GRK5: variants seen among roughly 807,000 people sequenced by gnomAD.
GRK5 encodes G protein-coupled receptor kinase 5.
A neutral mutation model predicts 78.4 loss-of-function variants in GRK5; 40 were observed. That is an observed-to-expected ratio of 0.51 (90% CI 0.40 to 0.66). GRK5 has a LOEUF of 0.66. GRK5 is among the 30% of genes least tolerant of loss of function. The pLI is 0.00. For synonymous variants in GRK5, 289 were observed against 296.8 expected (o/e 0.97, Z 0.27); for missense variants, 598 against 759.9 (o/e 0.79, Z 2.50).
intron 1 of GRK5, among the ~76,000 whole-genome samples, chr10:119,210,981 A>G (rs1848477035): frequency 6.6e-6 from 1 of 152,244 alleles, no homozygotes. Flanking sequence ...TTAATGTAGC[A>G]ATAAAATAGA....
intron 1 of GRK5, among the ~76,000 whole-genome samples, chr10:119,259,971 A>G (rs1202960061): frequency 7.9e-5 from 12 of 152,086 alleles, no homozygotes. Context: ...TCTCTCCACT[A>G]AATAATGTGG....
intron 2 of GRK5, among the ~76,000 whole-genome samples, chr10:119,360,773 C>T (rs1386076970): frequency 6.6e-6 from 1 of 152,202 alleles, no homozygotes; most frequent in Non-Finnish European, 1.5e-5. Context: ...CTTCCACACC[C>T]GGCCCGGGGC....
At chr10:119,312,536 T>G (rs1437307859) in intron 1 of GRK5, among the ~76,000 whole-genome samples, 2 of 152,214 alleles carry the variant, frequency 1.3e-5, no homozygotes, top group Admixed American at 1.3e-4. Flanking sequence ...ACTGTCTCTG[T>G]GACCCAGAGA....
Position 119,410,952 on chromosome 10 carries a change from G to T in GRK5, c.340-12214G>T, listed in dbSNP as rs148467291. 2.1e-3 allele frequency among the ~76,000 whole-genome samples: 321 copies of T among 151,070 alleles called. 1 individual carries two copies. The highest frequency in any genetic ancestry group is 7.5e-3 in the African/African-American group (307 of 41,196). On this transcript the variant is annotated intron_variant, in intron 4 of 15. Transcript: ENST00000392870. ...CACTCTACAGCCTGCAGTCCTTGCT[G>T]ACCTTGAACTCCTGCCATTGGCCAA...
Position 119,207,890 on chromosome 10 carries a change from C to G in GRK5, c.-28C>G. The stretch of plus-strand genomic sequence containing the variant: ...CCCAGGCGCTGACAGCCCCGCCGGC[C>G]GGCTCCGTTGCTGACCGCCGACTGT... On this transcript the variant is annotated 5_prime_UTR_variant, in exon 1 of 16. Transcript: ENST00000392870. 6.3e-7 allele frequency: 1 copy of G among 1,585,960 alleles called. No individual in the cohort carries two copies. Among genetic ancestry groups the G allele is most frequent in the Non-Finnish European group, 8.6e-7 (1 of 1,168,462 alleles).
At chr10:119,209,188 C>G (rs1280189029) in intron 1 of GRK5, among the ~76,000 whole-genome samples, 3 of 152,100 alleles carry the variant, frequency 2.0e-5, no homozygotes, top group African/African-American at 7.2e-5. Flanking sequence ...CACCTTGTGG[C>G]TCCCTACACA....
intron 1 of GRK5, among the ~76,000 whole-genome samples, chr10:119,299,305 G>A (rs1366216025): frequency 6.6e-6 from 1 of 152,162 alleles, no homozygotes; most frequent in South Asian, 2.1e-4. Context: ...TTAGCCGGGC[G>A]GGGTGGCGGG....
chr10:119,292,984 A>T (rs569250083), intron 1 of GRK5, among the ~76,000 whole-genome samples: 1 of 152,190 alleles, frequency 6.6e-6, no homozygotes, highest in African/African-American at 2.4e-5. Flanking sequence ...ATACTGGGAA[A>T]CTTCAAGCTC....
At chr10:119,296,493 G>C (rs1346099713) in intron 1 of GRK5, among the ~76,000 whole-genome samples, 1 of 152,262 alleles carries the variant, frequency 6.6e-6, no homozygotes, top group Non-Finnish European at 1.5e-5. Context: ...TTCTGCTGCA[G>C]ATGGAAGAAG....
intron 1 of GRK5, among the ~76,000 whole-genome samples, chr10:119,281,570 C>T (rs1849762944): frequency 6.6e-6 from 1 of 152,190 alleles, no homozygotes; most frequent in Admixed American, 6.5e-5. Flanking sequence ...TGTAATCAGC[C>T]TCTCCTGTGG....
At chr10:119,357,832 C>G (rs1851288852) in intron 2 of GRK5, among the ~76,000 whole-genome samples, 2 of 152,100 alleles carry the variant, frequency 1.3e-5, no homozygotes, top group Middle Eastern at 3.4e-3. Flanking sequence ...ATTAGCCATG[C>G]CATTGGCAGG....
chr10:119,372,389 C>T (rs1336475133), intron 2 of GRK5, among the ~76,000 whole-genome samples: 2 of 152,234 alleles, frequency 1.3e-5, no homozygotes, highest in African/African-American at 2.4e-5. Flanking sequence ...TTTAATAGTA[C>T]TGCCCCATCT....
At position 119,221,710 on chromosome 10, in the gene GRK5, A is replaced by G. The variant is rs553280273; in HGVS notation, c.52+13741A>G. Among the ~76,000 whole-genome samples the G allele has an allele frequency of 2.0e-5, 3 of 152,348 alleles. No homozygotes were observed. In the South Asian group the frequency reaches 6.2e-4, roughly 32 times the overall value. ...TTTTTCCTGTGGGAGTATCTGCCTA[A>G]TAACATCCCCTTTCCTCTTTGGGAA... On this transcript the variant is annotated intron_variant, in intron 1 of 15. Coordinates refer to ENST00000392870, the MANE Select transcript of GRK5 (RefSeq NM_005308.3).
intron 1 of GRK5, among the ~76,000 whole-genome samples, chr10:119,293,106 G>A (rs1430652560): frequency 6.6e-6 from 1 of 152,234 alleles, no homozygotes; most frequent in Admixed American, 6.5e-5. Context: ...ACCTGAAGAA[G>A]TTATGTATAA....
Position 119,441,861 on chromosome 10 carries a change from G to A in GRK5, c.968-138G>A, listed in dbSNP as rs1395517860. On this transcript the variant is annotated intron_variant, in intron 10 of 15. Transcript: ENST00000392870. ...CCCAAGGCTCTTGTGGTCACTCTGA[G>A]ATGGCAGATTGGGGTCCCTGTTGTC... is the stretch of plus-strand genomic sequence containing the variant. The A allele has an allele frequency of 6.1e-6, 4 of 660,822 alleles. No homozygotes were observed. The African/African-American group carries it at 7.1e-5, about 12-fold the overall frequency. The allele number at this position is 660,822 out of a possible 1,614,324, so 40.9% of individuals were successfully genotyped here.
At chr10:119,419,788 A>G (rs950797505) in intron 4 of GRK5, among the ~76,000 whole-genome samples, 5 of 152,180 alleles carry the variant, frequency 3.3e-5, no homozygotes, top group Non-Finnish European at 7.4e-5. Context: ...TTTGCCCCTT[A>G]TTCCGTCTTC....
intron 12 of GRK5, among the ~76,000 whole-genome samples, chr10:119,444,326 G>A (rs941477064): frequency 1.3e-5 from 2 of 152,182 alleles, no homozygotes; most frequent in African/African-American, 4.8e-5. Context: ...AAAGCTGGGT[G>A]GGTGGGGCCA....
chr10:119,407,251 G>C (rs1313081928), intron 4 of GRK5, among the ~76,000 whole-genome samples: 2 of 152,162 alleles, frequency 1.3e-5, no homozygotes, highest in Non-Finnish European at 2.9e-5. Context: ...TCATTTCCTA[G>C]ATAAAGAAAC....
At chr10:119,214,269 T>C (rs1397647339) in intron 1 of GRK5, among the ~76,000 whole-genome samples, 3 of 151,976 alleles carry the variant, frequency 2.0e-5, no homozygotes, top group African/African-American at 7.2e-5. Flanking sequence ...GCCACTGCAC[T>C]CAGTCTCTTT....
Sources: gnomAD v4.1 joint callset for allele counts (sites outside exome capture counted in the v4.1 genomes callset) on GRCh38, gnomAD v4.1.1 for gene constraint, MANE v1.5 for transcripts, NCBI Gene and HGNC (gene_info 2026-07-23, HGNC 2026-07-21) for gene names.